COL27A1: variants seen among roughly 807,000 people sequenced by gnomAD.
The protein encoded by COL27A1 is collagen type XXVII alpha 1 chain.
A neutral mutation model predicts 251.3 loss-of-function variants in COL27A1; 106 were observed. That is an observed-to-expected ratio of 0.42 (90% CI 0.36 to 0.50). The LOEUF (loss-of-function observed/expected upper bound fraction) is 0.50, where lower values mean the gene tolerates loss of function less well. Among genes scored for constraint, COL27A1 ranks in the 20% least tolerant of loss-of-function variants. The probability of loss-of-function intolerance (pLI) is 0.00; values close to 1 mark genes in which losing one functional copy is unlikely to be tolerated. For missense variants in COL27A1, 2,325 were observed against 2,522.8 expected, an observed-to-expected ratio of 0.92 and a Z score of 1.68; for synonymous variants, 1,000 against 986.3, an observed-to-expected ratio of 1.01 and a Z score of -0.26.
intron 26 of COL27A1, 46 bp from the exon 27 acceptor site, chr9:114,252,833 G>C (rs892198827): frequency 4.4e-6 from 7 of 1,594,914 alleles, no homozygotes; most frequent in Non-Finnish European, 6.0e-6. Flanking sequence ...ACTGAAGGAG[G>C]AAGCTTCCAT....
rs768347290 is a variant in COL27A1, at chr9:114,309,263, G to A, written c.5221G>A (p.Glu1741Lys). ...CLKPITASKV[E>K]FAISRVQMNF... Reference sequence around the variant, plus strand: ...CACTGCCGTTGCTTCTCTATAGGTCGAGTTTGCCATCAGCCGGGTCCAGAT... The same window carrying A: ...CACTGCCGTTGCTTCTCTATAGGTCAAGTTTGCCATCAGCCGGGTCCAGAT... Residue 1741 changes from glutamate (E) to lysine (K), a missense_variant, in exon 60 of 61, where the codon GAG becomes AAG. Around this residue, in one of 4 missense-constraint regions of COL27A1, gnomAD observed 327 missense variants for 442.8 expected, o/e 0.74. Coordinates refer to ENST00000356083, the MANE Select transcript of COL27A1 (RefSeq NM_032888.4). 12 of 1,613,986 alleles carry A rather than the reference G, an allele frequency of 7.4e-6. No homozygotes were observed. The Admixed American group carries it at 1.3e-4, about 18-fold the overall frequency.
chr9:114,284,578 C>G (rs1018771078), intron 40 of COL27A1, 146 bp from the exon 41 acceptor site: 5 of 770,430 alleles, frequency 6.5e-6, no homozygotes, highest in African/African-American at 1.7e-5. Context: ...AGGGCCCAGA[C>G]AGGCACAGAC....
chr9:114,224,588 C>T (rs1425297832), intron 14 of COL27A1, among the ~76,000 whole-genome samples: 1 of 150,724 alleles, frequency 6.6e-6, no homozygotes, highest in Non-Finnish European at 1.5e-5. Flanking sequence ...AAGAATATTG[C>T]TTAGTGGAAT....
At chr9:114,243,421 A>T in intron 22 of COL27A1, 86 bp from the exon 23 acceptor site, 1 of 1,073,672 alleles carries the variant, frequency 9.3e-7, no homozygotes, top group South Asian at 1.3e-5. Context: ...AGCTGTGGAT[A>T]CCCTGTGCCA....
At chr9:114,250,063 A>G (rs534910625) in intron 24 of COL27A1, among the ~76,000 whole-genome samples, 1 of 152,350 alleles carries the variant, frequency 6.6e-6, no homozygotes, top group African/African-American at 2.4e-5. Flanking sequence ...AGCGGAGTTC[A>G]GCAGAGCAGC....
At position 114,243,617 on chromosome 9, in the gene COL27A1, G is replaced by A. The variant is rs569291198; in HGVS notation, c.2934+57G>A. On this transcript the variant is annotated intron_variant, in intron 23 of 60. Coordinates refer to ENST00000356083, the MANE Select transcript of COL27A1 (RefSeq NM_032888.4). ...AGGAAAGAGGGGATCCTACATATCT[G>A]GGCCCCAAGTCAAGCCCCAAATCCC... 3.4e-6 allele frequency: 5 copies of A among 1,452,000 alleles called. No individual in the cohort carries two copies. The South Asian group carries it at 6.0e-5, about 17-fold the overall frequency. The allele number at this position is 1,452,000 out of a possible 1,614,324, so 89.9% of individuals were successfully genotyped here. A position where few individuals can be genotyped will look rare whatever the true frequency, so the allele number is the denominator to read the frequency against.
intron 5 of COL27A1, among the ~76,000 whole-genome samples, chr9:114,186,939 C>T (rs1828387214): frequency 6.6e-6 from 1 of 152,198 alleles, no homozygotes; most frequent in African/African-American, 2.4e-5. Flanking sequence ...GATAGGGAAG[C>T]TAGTGCTCCC....
intron 12 of COL27A1, chr9:114,217,667 C>A: frequency 2.4e-6 from 1 of 416,492 alleles, no homozygotes; most frequent in Non-Finnish European, 4.9e-6. Context: ...GAGAACAGGG[C>A]AGGACTACAA....
intron 37 of COL27A1, among the ~76,000 whole-genome samples, chr9:114,276,377 G>A (rs1466167164): frequency 2.6e-5 from 4 of 152,222 alleles, no homozygotes; most frequent in South Asian, 2.1e-4. Context: ...CAGCCAAGGC[G>A]GGTGGATCAC....
intron 28 of COL27A1, among the ~76,000 whole-genome samples, chr9:114,263,060 G>A (rs993796313): frequency 6.8e-6 from 1 of 147,478 alleles, no homozygotes; most frequent in Non-Finnish European, 1.5e-5. Flanking sequence ...TACTTCAGCC[G>A]CCTGAGTAGC....
At chr9:114,246,557 G>A (rs1339339833) in intron 24 of COL27A1, among the ~76,000 whole-genome samples, 1 of 152,196 alleles carries the variant, frequency 6.6e-6, no homozygotes, top group Non-Finnish European at 1.5e-5. Flanking sequence ...GCTCCAAGGT[G>A]GAGAGGTGTT....
intron 57 of COL27A1, 99 bp from the exon 58 acceptor site, chr9:114,306,421 G>C (rs1252650031): frequency 1.9e-5 from 24 of 1,254,338 alleles, no homozygotes; most frequent in Non-Finnish European, 2.6e-5. Flanking sequence ...GTGGAACCGA[G>C]ATACCTCCCA....
At chr9:114,286,378 C>T (rs1827491190) in intron 41 of COL27A1, among the ~76,000 whole-genome samples, 1 of 152,156 alleles carries the variant, frequency 6.6e-6, no homozygotes, top group African/African-American at 2.4e-5. Flanking sequence ...AGAGACTAGC[C>T]CAGGATCTGT....
In COL27A1 at chr9:114,310,809, C is replaced by A; in HGVS notation, c.*114C>A. The A allele has an allele frequency of 9.2e-7, 1 of 1,087,296 alleles. No individual in the cohort carries two copies. Among genetic ancestry groups the A allele is most frequent in the Non-Finnish European group, 1.3e-6 (1 of 753,512 alleles). 67.4% of individuals were successfully genotyped at this position (1,087,296 alleles called of 1,614,324 possible). ...GAGGCAGCTCCCCTGCCCAAGGGTCCTTGGGCAGACCCCAGCTGTTGTCTG... is the reference window on the plus strand; with the variant it reads ...GAGGCAGCTCCCCTGCCCAAGGGTCATTGGGCAGACCCCAGCTGTTGTCTG... On this transcript the variant is annotated 3_prime_UTR_variant, in exon 61 of 61. Coordinates refer to ENST00000356083, the MANE Select transcript of COL27A1 (RefSeq NM_032888.4).
At chr9:114,219,947 C>A in intron 13 of COL27A1, 103 bp downstream of exon 13, 3 of 878,358 alleles carry the variant, frequency 3.4e-6, no homozygotes, top group Non-Finnish European at 5.7e-6. Flanking sequence ...GGGTCAAATC[C>A]CAGCCCTGTG....
intron 60 of COL27A1, among the ~76,000 whole-genome samples, chr9:114,310,199 AAACCCC>A (rs1829350784): frequency 6.6e-6 from 1 of 152,190 alleles, no homozygotes. Flanking sequence ...TCATGTACCC[AAACCCC>A]ACCTGTTCCC....
In COL27A1 at chr9:114,304,679, T is replaced by A. The variant is rs1280750982; in HGVS notation, c.4938+6T>A. The A allele has an allele frequency of 3.1e-6, 5 of 1,613,212 alleles. No homozygotes were observed. The highest frequency in any genetic ancestry group is 4.2e-6 in the Non-Finnish European group (5 of 1,179,358). On this transcript the variant is annotated splice_donor_region_variant and intron_variant, in intron 57 of 60. Coordinates refer to ENST00000356083, the MANE Select transcript of COL27A1 (RefSeq NM_032888.4). ...GTGGAGCACTCAGGCCAGAGGTATC[T>A]CCAGGGGCTCTCCCCATGTGGGATC...
rs568714618 is a variant in COL27A1, at chr9:114,205,746, T to G, written c.2170-13T>G. On this transcript the variant is annotated splice_polypyrimidine_tract_variant and intron_variant, in intron 8 of 60. Coordinates refer to ENST00000356083, the MANE Select transcript of COL27A1 (RefSeq NM_032888.4). The stretch of plus-strand genomic sequence containing the variant: ...TCTTTCTTTTCCTTATGTTTCTCTC[T>G]GTTCCTTTGCAGGGGCAGCCAGGAC... The G allele has an allele frequency of 7.1e-5, 114 of 1,613,664 alleles. No individual in the cohort carries two copies. The South Asian group carries it at 7.4e-4, about 10-fold the overall frequency.
At chr9:114,299,635 G>A (rs1012733363) in intron 49 of COL27A1, among the ~76,000 whole-genome samples, 1 of 152,250 alleles carries the variant, frequency 6.6e-6, no homozygotes, top group Non-Finnish European at 1.5e-5. Context: ...TGATGTGGGA[G>A]CATGGAAGTG....
Sources: allele counts gnomAD v4.1 joint callset (sites outside exome capture counted in the v4.1 genomes callset), GRCh38; gene constraint gnomAD v4.1.1; regional missense constraint gnomAD v4.1.1; transcripts MANE v1.5; gene names NCBI Gene and HGNC (gene_info 2026-07-23, HGNC 2026-07-21).